Variants in ART1 observed in about 807,000 individuals in gnomAD.
ART1 encodes the protein GPI-linked NAD(P)(+)--arginine ADP-ribosyltransferase 1.
Under a neutral mutation model 27.0 loss-of-function variants are expected in ART1, and 29 were observed. The ratio of observed to expected loss-of-function variants is 1.08; its 90% CI spans 0.80 to 1.47. The LOEUF is 1.47. Among genes scored for constraint, ART1 ranks in the 40% most tolerant of loss-of-function variants. ART1 has a pLI of 0.00. For missense variants in ART1, 480 were observed against 423.0 expected (o/e 1.13, Z -1.18); for synonymous variants, 201 against 172.2 (o/e 1.17, Z -1.31).
chr11:3,647,501 G>A (rs2077478560), intron 1 of ART1, among the ~76,000 whole-genome samples: 2 of 151,722 alleles, frequency 1.3e-5, no homozygotes, highest in South Asian at 4.2e-4. Flanking sequence ...GGGCGTGCTT[G>A]TGGGCACCTG....
At chr11:3,647,339 CA>C (rs113492253) in intron 1 of ART1, among the ~76,000 whole-genome samples, 23,342 of 132,526 alleles carry the variant, frequency 0.18, 3,325 homozygotes, top group African/African-American at 0.41. Flanking sequence ...CAAAACAAAA[CA>C]AAAAAAAAAA....
At chr11:3,646,694 T>G (rs1475771024) in intron 1 of ART1, among the ~76,000 whole-genome samples, 3 of 152,156 alleles carry the variant, frequency 2.0e-5, no homozygotes, top group Non-Finnish European at 2.9e-5. Context: ...TCTCATCTCT[T>G]CCCTGATTTC....
At chr11:3,649,768 G>C (rs554286262) in intron 1 of ART1, among the ~76,000 whole-genome samples, 1 of 152,190 alleles carries the variant, frequency 6.6e-6, no homozygotes, top group South Asian at 2.1e-4. Context: ...CGTAGTCAAG[G>C]TTAATGCTCC....
chr11:3,663,591 T>TA (rs201078503), intron 4 of ART1, among the ~76,000 whole-genome samples: 35 of 152,276 alleles, frequency 2.3e-4, no homozygotes, highest in Admixed American at 1.5e-3. Context: ...AATTCTTTAT[T>TA]AAAAAAATTT....
chr11:3,662,139 TGAG>T (rs2077626285), intron 4 of ART1, among the ~76,000 whole-genome samples: 1 of 152,248 alleles, frequency 6.6e-6, no homozygotes, highest in African/African-American at 2.4e-5. Context: ...TTGAAGGCCA[TGAG>T]GCCAGGCTTT....
rs1464071182 is a variant in ART1 at position 3,647,505 on chromosome 11, G to A, written c.-53+2326G>A. 1.0e-4 allele frequency among the ~76,000 whole-genome samples: 15 copies of A among 150,714 alleles called. No individual in the cohort carries two copies. The East Asian group carries it at 2.8e-3, about 28-fold the overall frequency. ...AAAAATTAGCTGGGCGTGCTTGTGG[G>A]CACCTGTAGTACCAGCTACTTGGGA... On this transcript the variant is annotated intron_variant, in intron 1 of 4. Coordinates refer to ENST00000250693, the MANE Select transcript of ART1 (RefSeq NM_004314.3).
Position 3,649,016 on chromosome 11 carries a change from C to T in ART1, c.-53+3837C>T, listed in dbSNP as rs144318211. 9.4e-3 allele frequency among the ~76,000 whole-genome samples: 1,420 copies of T among 151,834 alleles called. 7 individuals are homozygous for T. Among genetic ancestry groups the T allele is most frequent in the Non-Finnish European group, 0.016 (1,085 of 67,960 alleles). ...ATCTCTGTGCCCCATCCCTTATTTC[C>T]GTGCCCCGACCTCTTATCTCTGCGC... is the stretch of plus-strand genomic sequence containing the variant. On this transcript the variant is annotated intron_variant, in intron 1 of 4. Coordinates refer to ENST00000250693, the MANE Select transcript of ART1 (RefSeq NM_004314.3).
At chr11:3,648,295 G>GGAC (rs2077486580) in intron 1 of ART1, among the ~76,000 whole-genome samples, 1 of 152,094 alleles carries the variant, frequency 6.6e-6, no homozygotes, top group Non-Finnish European at 1.5e-5. Context: ...GTCTTCACAC[G>GGAC]GACGCGCATG....
Position 3,661,360 on chromosome 11 carries a change from T to A in ART1, c.845-12T>A. 13 of 1,610,918 alleles carry A rather than the reference T, an allele frequency of 8.1e-6. No individual in the cohort carries two copies. Among genetic ancestry groups the A allele is most frequent in the Non-Finnish European group, 1.0e-5 (12 of 1,179,188 alleles). The stretch of plus-strand genomic sequence containing the variant: ...CCTGAGCCTTTCATTCTTTACTGTT[T>A]CTTTTCTATAGACAAGAAGTGCAAG... On this transcript the variant is annotated splice_polypyrimidine_tract_variant and intron_variant, in intron 3 of 4. Coordinates refer to ENST00000250693, the MANE Select transcript of ART1 (RefSeq NM_004314.3).
chr11:3,655,700 G>A (rs781707470), intron 1 of ART1: 3 of 152,166 alleles, frequency 2.0e-5, no homozygotes, highest in Non-Finnish European at 4.4e-5. Context: ...CTCGCAGGAA[G>A]GCCTCTGATT....
At chr11:3,659,341 T>C in intron 2 of ART1, 65 bp downstream of exon 2, 1 of 1,603,514 alleles carries the variant, frequency 6.2e-7, no homozygotes, top group Non-Finnish European at 8.5e-7. Flanking sequence ...TTCTGAACCC[T>C]GGAGGGAGAA....
At chr11:3,656,063 G>C (rs1156723777) in intron 1 of ART1, among the ~76,000 whole-genome samples, 1 of 151,428 alleles carries the variant, frequency 6.6e-6, no homozygotes, top group Non-Finnish European at 1.5e-5. Flanking sequence ...TTCCCGAGTA[G>C]TTGGGATTAC....
chr11:3,661,490 CTT>C (rs530856927), intron 4 of ART1, 77 bp downstream of exon 4: 27,439 of 317,108 alleles, frequency 0.087, 544 homozygotes, highest in African/African-American at 0.19. Context: ...TCACCTCGAT[CTT>C]TTTTTTTTTT....
rs527878673 is a variant in ART1 at position 3,659,719 on chromosome 11, C to T, written c.200C>T (p.Thr67Met). The T allele has an allele frequency of 7.1e-5, 115 of 1,614,018 alleles. No individual in the cohort carries two copies. Among genetic ancestry groups the T allele is most frequent in the Admixed American group, 3.0e-4 (18 of 60,002 alleles). The change falls in exon 3 of 5, where the codon ACG (threonine) becomes ATG (methionine). Residue 67 changes from threonine to methionine, a missense_variant. By Grantham distance (81) the Thr-to-Met change is moderately conservative. Transcript: ENST00000250693. ...MTAALPDLNH[T>M]EFQANQVYAD... ...GCTGCTCTCCCGGATCTCAACCACA[C>T]GGAGTTCCAGGCCAACCAGGTGTAT...
intron 1 of ART1, among the ~76,000 whole-genome samples, chr11:3,649,630 C>A (rs1270796947): frequency 6.6e-6 from 1 of 152,214 alleles, no homozygotes; most frequent in Non-Finnish European, 1.5e-5. Context: ...AGCCTCAGCT[C>A]CTCCACCCTG....
In ART1 at chr11:3,651,015, CT is replaced by C. The variant is rs201498122; in HGVS notation, c.-53+5838del. Among the ~76,000 whole-genome samples the C allele has an allele frequency of 8.1e-3, 1,233 of 152,192 alleles. 7 individuals carry two copies. The highest frequency in any genetic ancestry group is 0.015 in the Admixed American group (229 of 15,270). ...GGCCTTTTAAAGCCTATAAACTCTC[CT>C]TACCATTCCCCCATTTTATCCGTCC... On this transcript the variant is annotated intron_variant, in intron 1 of 4. Coordinates refer to ENST00000250693, the MANE Select transcript of ART1 (RefSeq NM_004314.3).
chr11:3,660,378 G>A lies in ART1; in HGVS notation c.844+15G>A, dbSNP rs759384567. ...GTACATCAAAGGTAGGAGGGCAAGC[G>A]CTGGTCGGCACCTGTGCGGAAGGTG... On this transcript the variant is annotated intron_variant, in intron 3 of 4. Coordinates refer to ENST00000250693, the MANE Select transcript of ART1 (RefSeq NM_004314.3). The A allele has an allele frequency of 1.1e-5, 18 of 1,589,762 alleles. No individual in the cohort carries two copies. Among genetic ancestry groups the A allele is most frequent in the South Asian group, 4.4e-5 (4 of 90,386 alleles).
chr11:3,647,657 T>C (rs986024051), intron 1 of ART1, among the ~76,000 whole-genome samples: 2 of 144,914 alleles, frequency 1.4e-5, no homozygotes, highest in Non-Finnish European at 2.9e-5. Context: ...AATATATAAA[T>C]AAAAATAAAA....
chr11:3,663,061 ATC>A (rs202035239), intron 4 of ART1, among the ~76,000 whole-genome samples: 10 of 89,306 alleles, frequency 1.1e-4, no homozygotes, highest in African/African-American at 2.2e-4. Context: ...ATCTCATCTC[ATC>A]TCATCTCATC....
Sources: allele counts gnomAD v4.1 joint callset (sites outside exome capture counted in the v4.1 genomes callset), GRCh38; gene constraint gnomAD v4.1.1; transcripts MANE v1.5; gene names NCBI Gene and HGNC (gene_info 2026-07-23, HGNC 2026-07-21).